PCDHGB1: variants seen among roughly 807,000 people sequenced by gnomAD.
PCDHGB1 encodes the protein protocadherin gamma-B1.
A neutral mutation model predicts 56.6 loss-of-function variants in PCDHGB1; 34 were observed. That is an observed-to-expected ratio of 0.60 (90% CI 0.46 to 0.80). PCDHGB1 has a LOEUF of 0.80. Ranked by LOEUF, PCDHGB1 falls within the 30% of genes least tolerant of loss-of-function variation. The pLI, the probability that PCDHGB1 is intolerant of heterozygous loss-of-function variation, is 0.00. For synonymous variants in PCDHGB1, 561 were observed against 505.9 expected (o/e 1.11, Z -1.46); for missense variants, 1,278 against 1,204.6 (o/e 1.06, Z -0.90).
intron 1 of PCDHGB1, chr5:141,394,024 T>C (rs778553318): frequency 6.2e-7 from 1 of 1,613,530 alleles, no homozygotes; most frequent in Non-Finnish European, 8.5e-7. Flanking sequence ...TATTATAGAT[T>C]AGTGACAAGG....
At chr5:141,442,403 G>A (rs1042068651) in intron 1 of PCDHGB1, 2 of 152,168 alleles carry the variant, frequency 1.3e-5, no homozygotes, top group African/African-American at 4.8e-5. Context: ...TACGAATCCA[G>A]GGCTGAGTGA....
chr5:141,361,133 TC>T, intron 1 of PCDHGB1: 1 of 1,613,962 alleles, frequency 6.2e-7, no homozygotes, highest in South Asian at 1.1e-5. Context: ...CACTGCAGTA[TC>T]CAAGTTGAAA....
At chr5:141,500,116 C>T (rs1458562489) in intron 2 of PCDHGB1, among the ~76,000 whole-genome samples, 4 of 149,046 alleles carry the variant, frequency 2.7e-5, no homozygotes, top group Admixed American at 2.0e-4. Context: ...GAATCCCTGC[C>T]TTTTCATATA....
intron 1 of PCDHGB1, chr5:141,389,516 G>A: frequency 6.2e-7 from 1 of 1,613,168 alleles, no homozygotes; most frequent in Non-Finnish European, 8.5e-7. Context: ...GCGCGAACGT[G>A]AGCCTGCGCG....
Position 141,351,426 on chromosome 5 carries a change from A to G in PCDHGB1, c.1166A>G (p.Lys389Arg). ...TCYTQEEVPF[K>R]LESTSKNYYK... Reference sequence around the variant, plus strand: ...TATACTCAGGAAGAAGTTCCTTTCAAATTAGAATCCACCTCGAAGAATTAT... The same window carrying G: ...TATACTCAGGAAGAAGTTCCTTTCAGATTAGAATCCACCTCGAAGAATTAT... Residue 389 changes from lysine to arginine, a missense_variant, in exon 1 of 4, where the codon AAA becomes AGA. By Grantham distance (26) the Lys-to-Arg change is conservative. Transcript: ENST00000523390. The G allele has an allele frequency of 6.2e-7, 1 of 1,611,328 alleles. No homozygotes were observed. Among genetic ancestry groups the G allele is most frequent in the Non-Finnish European group, 8.5e-7 (1 of 1,178,244 alleles).
At chr5:141,383,729 TGA>T (rs1406908014) in intron 1 of PCDHGB1, 3 of 1,613,866 alleles carry the variant, frequency 1.9e-6, no homozygotes, top group Non-Finnish European at 2.5e-6. Flanking sequence ...AATGGGGAAG[TGA>T]CATATTCTTT....
At chr5:141,358,923 G>A (rs1175960333) in intron 1 of PCDHGB1, among the ~76,000 whole-genome samples, 1 of 152,194 alleles carries the variant, frequency 6.6e-6, no homozygotes, top group Non-Finnish European at 1.5e-5. Flanking sequence ...GTGTGTAGGG[G>A]ATATACAACA....
chr5:141,355,593 C>T (rs770322971), intron 1 of PCDHGB1: 2 of 1,613,990 alleles, frequency 1.2e-6, no homozygotes, highest in Admixed American at 1.7e-5. Flanking sequence ...ATAACCCACC[C>T]AGTTTTGGGA....
At chr5:141,355,631 A>G in intron 1 of PCDHGB1, 1 of 1,614,036 alleles carries the variant, frequency 6.2e-7, no homozygotes, top group South Asian at 1.1e-5. Context: ...AAAGTTGCTG[A>G]AAATGAAAAT....
At chr5:141,398,709 G>A (rs1202607096) in intron 1 of PCDHGB1, 1 of 1,613,714 alleles carries the variant, frequency 6.2e-7, no homozygotes, top group Non-Finnish European at 8.5e-7. Context: ...ACCCGGAACT[G>A]GCACTGGAGA....
chr5:141,357,262 G>A, intron 1 of PCDHGB1: 1 of 1,613,786 alleles, frequency 6.2e-7, no homozygotes, highest in East Asian at 2.2e-5. Context: ...AGACGACTCG[G>A]GCCTCACACT....
intron 1 of PCDHGB1, among the ~76,000 whole-genome samples, chr5:141,353,727 G>A (rs1041652885): frequency 3.9e-5 from 6 of 151,998 alleles, no homozygotes; most frequent in African/African-American, 1.5e-4. Context: ...AGATTTCTGA[G>A]GAATTAGTTA....
intron 1 of PCDHGB1, chr5:141,423,750 TGGGGG>T: frequency 5.2e-5 from 15 of 287,416 alleles, no homozygotes; most frequent in Non-Finnish European, 6.3e-5. Context: ...GAAAACTGTT[TGGGGG>T]GGGGGTGGGG....
intron 1 of PCDHGB1, chr5:141,400,754 C>A (rs6880273): frequency 0.26 from 150,367 of 588,610 alleles, 21,664 homozygotes; most frequent in African/African-American, 0.5. Context: ...TTAGCTTCCT[C>A]TCTAGCAAAA....
At chr5:141,358,616 C>T (rs1249200315) in intron 1 of PCDHGB1, among the ~76,000 whole-genome samples, 2 of 152,198 alleles carry the variant, frequency 1.3e-5, no homozygotes, top group Non-Finnish European at 2.9e-5. Flanking sequence ...AGAAATATTT[C>T]CAAGCTAATT....
chr5:141,398,360 G>A, intron 1 of PCDHGB1: 1 of 1,413,656 alleles, frequency 7.1e-7, no homozygotes, highest in Non-Finnish European at 9.8e-7. Flanking sequence ...TTCACCGTGA[G>A]CGCAGAGAGC....
rs757468959 is a variant in PCDHGB1, at chr5:141,395,139, G to A, written c.2409+42470G>A. On this transcript the variant is annotated intron_variant, in intron 1 of 3. Coordinates refer to ENST00000523390, the MANE Select transcript of PCDHGB1 (RefSeq NM_018922.3). ...CCTGATCTTTCCCCAGCCCAACTAC[G>A]CAGACATGCTCATCAGTCAGGAGGG... 10 of 1,614,026 alleles carry A rather than the reference G, an allele frequency of 6.2e-6. No homozygotes were observed. In the East Asian group the frequency reaches 1.3e-4, roughly 22 times the overall value.
intron 1 of PCDHGB1, chr5:141,382,996 T>C (rs1296495835): frequency 6.2e-7 from 1 of 1,613,724 alleles, no homozygotes; most frequent in East Asian, 2.2e-5. Context: ...ACGTATTCTC[T>C]ACTCCGTGTC....
At chr5:141,385,779 A>G (rs956234823) in intron 1 of PCDHGB1, 3 of 161,336 alleles carry the variant, frequency 1.9e-5, no homozygotes, top group Admixed American at 1.8e-4. Context: ...GCCTCCATGT[A>G]CCTCAGCTTG....
Sources: gnomAD v4.1 joint callset for allele counts (sites outside exome capture counted in the v4.1 genomes callset) on GRCh38, gnomAD v4.1.1 for gene constraint, MANE v1.5 for transcripts, NCBI Gene and HGNC (gene_info 2026-07-23, HGNC 2026-07-21) for gene names.